CNTNAP2: variants seen among roughly 807,000 people sequenced by gnomAD.
CNTNAP2 encodes the protein contactin associated protein 2.
In CNTNAP2, 98 loss-of-function variants were observed where a neutral mutation model predicts 155.2. That is an observed-to-expected ratio of 0.63 (90% CI 0.54 to 0.75). The LOEUF (loss-of-function observed/expected upper bound fraction) is 0.75, where lower values mean the gene tolerates loss of function less well. Ranked by LOEUF, CNTNAP2 falls within the 30% of genes least tolerant of loss-of-function variation. The pLI is 0.00. For missense variants in CNTNAP2, 1,727 were observed against 1,688.1 expected (o/e 1.02, Z -0.40); for synonymous variants, 651 against 631.2 (o/e 1.03, Z -0.47).
chr7:148,320,311 T>C (rs1797767267), intron 21 of CNTNAP2, among the ~76,000 whole-genome samples: 1 of 151,812 alleles, frequency 6.6e-6, no homozygotes, highest in African/African-American at 2.4e-5. Context: ...CACTGGACTA[T>C]GGGCAGTGGC....
At chr7:147,249,337 G>GT (rs1804134129) in intron 8 of CNTNAP2, among the ~76,000 whole-genome samples, 1 of 152,014 alleles carries the variant, frequency 6.6e-6, no homozygotes, top group Non-Finnish European at 1.5e-5. Flanking sequence ...AACTAAATTT[G>GT]TGTTCTACTC....
intron 8 of CNTNAP2, among the ~76,000 whole-genome samples, chr7:147,254,032 A>G (rs1804264433): frequency 6.6e-6 from 1 of 152,186 alleles, no homozygotes; most frequent in Non-Finnish European, 1.5e-5. Context: ...GGGTGTCTTC[A>G]AGTATCTCTG....
At chr7:146,606,608 C>T (rs1349038622) in intron 1 of CNTNAP2, among the ~76,000 whole-genome samples, 1 of 152,064 alleles carries the variant, frequency 6.6e-6, no homozygotes, top group Non-Finnish European at 1.5e-5. Context: ...TATGTGGAAT[C>T]GATGCTATTA....
Position 148,365,843 on chromosome 7 carries a change from CATGTGTATGCATGTATACATGT to C in CNTNAP2, c.3476-17762_3476-17741del, listed in dbSNP as rs1798744055. Among the ~76,000 whole-genome samples, 4 of 10,166 alleles carry C rather than the reference CATGTGTATGCATGTATACATGT, an allele frequency of 3.9e-4. 2 individuals are homozygous for C. Among genetic ancestry groups the C allele is most frequent in the African/African-American group, 1.7e-3 (4 of 2,288 alleles). 6.7% of individuals were successfully genotyped at this position (10,166 alleles called of 152,430 possible). A position where few individuals can be genotyped will look rare whatever the true frequency, so the allele number is the denominator to read the frequency against. On this transcript the variant is annotated intron_variant, in intron 21 of 23. Transcript: ENST00000361727. ...ATGCATGTGTATGCATGTATACATG[CATGTGTATGCATGTATACATGT>C]ATGTGTATGCATGTATACATGTATG...
intron 3 of CNTNAP2, among the ~76,000 whole-genome samples, chr7:147,004,796 A>G (rs1798495335): frequency 1.3e-5 from 2 of 152,234 alleles, no homozygotes; most frequent in Non-Finnish European, 2.9e-5. Flanking sequence ...AGCATACAGA[A>G]TTAATTAGCT....
intron 1 of CNTNAP2, among the ~76,000 whole-genome samples, chr7:146,254,685 T>G (rs553241915): frequency 6.6e-6 from 1 of 152,316 alleles, no homozygotes; most frequent in East Asian, 1.9e-4. Context: ...TATTTCAATG[T>G]AAAAGTACTT....
At chr7:147,083,742 C>T (rs1316018529) in intron 4 of CNTNAP2, among the ~76,000 whole-genome samples, 1 of 139,736 alleles carries the variant, frequency 7.2e-6, no homozygotes, top group Non-Finnish European at 1.5e-5. Flanking sequence ...TACATATATG[C>T]TATATATAGG....
intron 11 of CNTNAP2, among the ~76,000 whole-genome samples, chr7:147,498,515 T>C (rs1332796952): frequency 6.6e-6 from 1 of 152,204 alleles, no homozygotes; most frequent in Non-Finnish European, 1.5e-5. Flanking sequence ...CTAACACGTA[T>C]TTTAGAAGTA....
intron 1 of CNTNAP2, among the ~76,000 whole-genome samples, chr7:146,256,130 C>T (rs146370625): frequency 1.9e-3 from 286 of 152,282 alleles, no homozygotes; most frequent in African/African-American, 6.4e-3. Flanking sequence ...GCAAACCCTA[C>T]TGGAAGCTTC....
At chr7:146,728,785 T>C (rs1801476441) in intron 1 of CNTNAP2, among the ~76,000 whole-genome samples, 1 of 152,188 alleles carries the variant, frequency 6.6e-6, no homozygotes, top group African/African-American at 2.4e-5. Context: ...AGTTCAAATG[T>C]GGCAGTGTTC....
At chr7:146,461,655 A>G (rs1796639603) in intron 1 of CNTNAP2, among the ~76,000 whole-genome samples, 1 of 152,204 alleles carries the variant, frequency 6.6e-6, no homozygotes, top group Admixed American at 6.5e-5. Context: ...GAGGAGTAGA[A>G]TCAGACGTTG....
At chr7:146,999,473 A>G (rs934531143) in intron 3 of CNTNAP2, among the ~76,000 whole-genome samples, 3 of 152,104 alleles carry the variant, frequency 2.0e-5, no homozygotes, top group East Asian at 1.9e-4. Context: ...ATTTTTGTGT[A>G]CTTACATTAC....
chr7:146,143,914 C>T (rs1797918297), intron 1 of CNTNAP2, among the ~76,000 whole-genome samples: 1 of 152,038 alleles, frequency 6.6e-6, no homozygotes, highest in African/African-American at 2.4e-5. Context: ...AGGCATGTGC[C>T]ACCATCCCAG....
At chr7:147,890,520 G>C (rs923655058) in intron 13 of CNTNAP2, among the ~76,000 whole-genome samples, 1 of 152,186 alleles carries the variant, frequency 6.6e-6, no homozygotes, top group Admixed American at 6.6e-5. Flanking sequence ...AAATCAGTAT[G>C]TCAAAGAGGT....
At chr7:147,993,875 T>G (rs1801757618) in intron 15 of CNTNAP2, among the ~76,000 whole-genome samples, 1 of 151,992 alleles carries the variant, frequency 6.6e-6, no homozygotes, top group Admixed American at 6.6e-5. Context: ...CCTTCCTACC[T>G]GTTTCCTTCC....
chr7:147,154,231 C>T (rs746683245), intron 8 of CNTNAP2, among the ~76,000 whole-genome samples: 28 of 151,960 alleles, frequency 1.8e-4, no homozygotes, highest in Admixed American at 7.9e-4. Flanking sequence ...TAATTGAAAA[C>T]GAGAATAAGC....
chr7:147,619,975 A>C (rs1010802346), intron 12 of CNTNAP2, among the ~76,000 whole-genome samples: 7 of 152,220 alleles, frequency 4.6e-5, no homozygotes, highest in Non-Finnish European at 7.3e-5. Context: ...TCAGTGGCTC[A>C]GAACAGAGAG....
At position 147,470,664 on chromosome 7, in the gene CNTNAP2, T is replaced by C. The variant is rs1232657955; in HGVS notation, c.1671-15271T>C. Among the ~76,000 whole-genome samples the C allele has an allele frequency of 5.3e-5, 8 of 152,098 alleles. No individual in the cohort carries two copies. In the South Asian group the frequency reaches 1.7e-3, roughly 32 times the overall value. On this transcript the variant is annotated intron_variant, in intron 10 of 23. Transcript: ENST00000361727. ...TGAGGAGTCCAAGATCATTTCTGCC[T>C]GAAAAGCCAGAAGAATGGAGTGGCC...
intron 1 of CNTNAP2, among the ~76,000 whole-genome samples, chr7:146,741,783 A>G (rs1801721050): frequency 6.6e-6 from 1 of 152,170 alleles, no homozygotes; most frequent in Non-Finnish European, 1.5e-5. Context: ...TGGCAAGGAG[A>G]TGAAAGTGAT....
Sources: gnomAD v4.1 joint callset for allele counts (sites outside exome capture counted in the v4.1 genomes callset) on GRCh38, gnomAD v4.1.1 for gene constraint, MANE v1.5 for transcripts, NCBI Gene and HGNC (gene_info 2026-07-23, HGNC 2026-07-21) for gene names.